NAF1: variants seen among roughly 807,000 people sequenced by gnomAD.
NAF1 encodes the protein nuclear assembly factor 1 ribonucleoprotein.
NAF1 carries 11 observed loss-of-function variants against 40.6 expected under a neutral mutation model. That is an observed-to-expected ratio of 0.27 (90% CI 0.17 to 0.45). The LOEUF is 0.45. Among genes scored for constraint, NAF1 ranks in the 20% least tolerant of loss-of-function variants. The pLI is 1.00. For synonymous variants in NAF1, 260 were observed against 228.5 expected (o/e 1.14, Z -1.24); for missense variants, 607 against 611.1 (o/e 0.99, Z 0.07).
chr4:163,160,653 C>T (rs1732180686), intron 2 of NAF1, among the ~76,000 whole-genome samples: 1 of 152,094 alleles, frequency 6.6e-6, no homozygotes, highest in South Asian at 2.1e-4. Context: ...CAATAGGAAA[C>T]TGCTAGAAAA....
chr4:163,150,428 C>T (rs572132077), intron 2 of NAF1, among the ~76,000 whole-genome samples: 19 of 152,202 alleles, frequency 1.2e-4, no homozygotes, highest in African/African-American at 4.3e-4. Flanking sequence ...CAGATATAAA[C>T]TTTAATTCTA....
intron 2 of NAF1, among the ~76,000 whole-genome samples, chr4:163,116,061 G>C (rs1286955116): frequency 6.6e-6 from 1 of 152,150 alleles, no homozygotes; most frequent in Non-Finnish European, 1.5e-5. Context: ...ACAGATTTTA[G>C]AAGTCTAAGT....
intron 5 of NAF1, among the ~76,000 whole-genome samples, chr4:163,138,246 A>G (rs1332262267): frequency 6.6e-6 from 1 of 152,110 alleles, no homozygotes; most frequent in African/African-American, 2.4e-5. Flanking sequence ...TTGACATTAT[A>G]TATGAGCCAT....
chr4:163,126,774 C>A, downstream of NAF1: 1 of 463,708 alleles, frequency 2.2e-6, no homozygotes, highest in Non-Finnish European at 3.6e-6. Flanking sequence ...ATTAATGTAG[C>A]ACACTTCACT....
chr4:163,162,052 G>A (rs1732246993), intron 2 of NAF1, among the ~76,000 whole-genome samples: 2 of 151,964 alleles, frequency 1.3e-5, no homozygotes, highest in African/African-American at 4.8e-5. Flanking sequence ...TCACAGCCAA[G>A]CAATCTGAAT....
intron 4 of NAF1, chr4:163,141,894 C>T: frequency 3.1e-6 from 3 of 953,634 alleles, no homozygotes; most frequent in Non-Finnish European, 3.7e-6. Flanking sequence ...AGCACTGAAT[C>T]TTTCATTAAT....
intron 2 of NAF1, among the ~76,000 whole-genome samples, chr4:163,150,769 C>T (rs1731667620): frequency 6.6e-6 from 1 of 152,098 alleles, no homozygotes; most frequent in South Asian, 2.1e-4. Flanking sequence ...TGTGTAACCC[C>T]TGTGATAAAT....
At chr4:163,128,606 C>CTATA (rs61471175), downstream of NAF1, 781 of 324,358 alleles carry the variant, frequency 2.4e-3, 6 homozygotes, top group African/African-American at 5.5e-3. Context: ...ATATCCATTA[C>CTATA]TATATATATA....
intron 2 of NAF1, among the ~76,000 whole-genome samples, chr4:163,150,755 T>G (rs548785826): frequency 6.6e-6 from 1 of 152,196 alleles, no homozygotes; most frequent in South Asian, 2.1e-4. Flanking sequence ...TTTACATATA[T>G]CTTTGTGTAA....
At chr4:163,161,765 C>T (rs1732234301) in intron 2 of NAF1, among the ~76,000 whole-genome samples, 1 of 152,182 alleles carries the variant, frequency 6.6e-6, no homozygotes, top group Admixed American at 6.5e-5. Context: ...TCCGTTGTTA[C>T]TGTCTGCCCA....
At chr4:163,164,466 G>C in intron 1 of NAF1, 75 bp from the exon 2 acceptor site, 1 of 1,070,614 alleles carries the variant, frequency 9.3e-7, no homozygotes, top group Non-Finnish European at 1.3e-6. Context: ...ATTCAATTAA[G>C]AAATATCAAC....
chr4:163,137,982 A>G (rs1731122385), intron 5 of NAF1, among the ~76,000 whole-genome samples: 3 of 152,162 alleles, frequency 2.0e-5, no homozygotes, highest in Admixed American at 2.0e-4. Flanking sequence ...TAATTTGTGA[A>G]AGCTCATTTT....
the NAF1 span, among the ~76,000 whole-genome samples, chr4:163,104,266 T>C: frequency 6.6e-6 from 1 of 152,210 alleles, no homozygotes; most frequent in Non-Finnish European, 1.5e-5. Context: ...CATCTGGATG[T>C]ATACATGCAG....
chr4:163,119,982 CAA>C (rs1257844493), intron 2 of NAF1: 1 of 152,156 alleles, frequency 6.6e-6, no homozygotes, highest in Non-Finnish European at 1.5e-5. Flanking sequence ...TAATCAAAAA[CAA>C]AAACCAAACT....
chr4:163,125,761 C>A (rs1307264148), downstream of NAF1, among the ~76,000 whole-genome samples: 1 of 152,158 alleles, frequency 6.6e-6, no homozygotes, highest in Non-Finnish European at 1.5e-5. Context: ...AAAGAAGATG[C>A]CATCTAGGAT....
chr4:163,148,573 A>T (rs761535149), intron 2 of NAF1, 139 bp from the exon 3 acceptor site: 4 of 576,840 alleles, frequency 6.9e-6, no homozygotes, highest in Non-Finnish European at 9.0e-6. Flanking sequence ...TTATCATTTT[A>T]GTGGTTGCAG....
At chr4:163,131,420 A>G (rs983183293) in intron 7 of NAF1, among the ~76,000 whole-genome samples, 1 of 152,142 alleles carries the variant, frequency 6.6e-6, no homozygotes, top group Non-Finnish European at 1.5e-5. Context: ...AAACAAAAAC[A>G]AAAAAACCTC....
intron 2 of NAF1, among the ~76,000 whole-genome samples, chr4:163,116,749 T>A (rs1730350258): frequency 6.6e-6 from 1 of 152,220 alleles, no homozygotes; most frequent in African/African-American, 2.4e-5. Flanking sequence ...AAAATGTTAA[T>A]GTTTACTACC....
At chr4:163,120,763 A>AT (rs1475157649) in intron 2 of NAF1, among the ~76,000 whole-genome samples, 6 of 152,242 alleles carry the variant, frequency 3.9e-5, no homozygotes, top group African/African-American at 1.2e-4. Context: ...TTGATACATG[A>AT]ATCTGTACTT....
Sources: allele counts gnomAD v4.1 joint callset (sites outside exome capture counted in the v4.1 genomes callset), GRCh38; gene constraint gnomAD v4.1.1; transcripts MANE v1.5; gene names NCBI Gene and HGNC (gene_info 2026-07-23, HGNC 2026-07-21).